The following ENOX1 variants were observed in gnomAD, a reference collection of about 807,000 sequenced individuals.
ENOX1 encodes the protein ecto-NOX disulfide-thiol exchanger 1, also known as candidate growth-related and time keeping constitutive hydroquinone (NADH) oxidase.
ENOX1 carries 42 observed loss-of-function variants against 82.5 expected under a neutral mutation model. The observed-to-expected ratio is 0.51, with a 90% CI of 0.40 to 0.66. ENOX1 has a LOEUF of 0.66. Among genes scored for constraint, ENOX1 ranks in the 30% least tolerant of loss-of-function variants. The pLI is 0.00. For missense variants in ENOX1, 608 were observed against 811.6 expected, an observed-to-expected ratio of 0.75 and a Z score of 3.05; for synonymous variants, 271 against 282.2, an observed-to-expected ratio of 0.96 and a Z score of 0.40.
intron 2 of ENOX1, among the ~76,000 whole-genome samples, chr13:43,629,711 C>A (rs1030965792): frequency 2.6e-5 from 4 of 152,224 alleles, no homozygotes; most frequent in African/African-American, 7.2e-5. Context: ...CTGGTTTACA[C>A]CACTGGTTTT....
chr13:43,727,865 A>C (rs532325940), intron 1 of ENOX1, among the ~76,000 whole-genome samples: 3 of 152,360 alleles, frequency 2.0e-5, no homozygotes, highest in South Asian at 4.1e-4. Context: ...TCAAAGTTTT[A>C]AAAAGGCTAA....
intron 2 of ENOX1, among the ~76,000 whole-genome samples, chr13:43,593,560 G>A (rs1432945836): frequency 6.6e-6 from 1 of 151,876 alleles, no homozygotes; most frequent in Non-Finnish European, 1.5e-5. Context: ...TTCGTACTCA[G>A]CAGGAATTCG....
chr13:43,763,533 C>G (rs2153836112), intron 1 of ENOX1, among the ~76,000 whole-genome samples: 1 of 152,258 alleles, frequency 6.6e-6, no homozygotes, highest in South Asian at 2.1e-4. Context: ...TGAAGTGGAG[C>G]TACGAGGACT....
At chr13:43,383,519 C>G (rs1438050724) in intron 5 of ENOX1, among the ~76,000 whole-genome samples, 1 of 152,102 alleles carries the variant, frequency 6.6e-6, no homozygotes, top group Non-Finnish European at 1.5e-5. Context: ...GGTTTGCAAT[C>G]CATAGGAAAT....
intron 1 of ENOX1, among the ~76,000 whole-genome samples, chr13:43,697,151 G>A (rs1166161195): frequency 6.6e-6 from 1 of 152,158 alleles, no homozygotes; most frequent in Non-Finnish European, 1.5e-5. Context: ...GAACTAGTAG[G>A]AGCGGGAAGG....
In ENOX1 at chr13:43,572,435, C is replaced by A. The variant is rs192788641; in HGVS notation, c.-218-88283G>T. Among the ~76,000 whole-genome samples, 28 of 152,222 alleles carry A rather than the reference C, an allele frequency of 1.8e-4. No homozygotes were observed. The East Asian group carries it at 5.2e-3, about 28-fold the overall frequency. On this transcript the variant is annotated intron_variant, in intron 2 of 16. Coordinates refer to ENST00000690772, the MANE Select transcript of ENOX1 (RefSeq NM_001347969.2). ...TTTCCAATTCCAACGTTCCATAGAC[C>A]AAAAGGCTTAGGTGAAGAGGGTTTC...
At position 43,399,930 on chromosome 13, in the gene ENOX1, T is replaced by C. The variant is rs2053395634; in HGVS notation, c.208+11986A>G. Among the ~76,000 whole-genome samples, 5 of 152,122 alleles carry C rather than the reference T, an allele frequency of 3.3e-5. No homozygotes were observed. In the South Asian group the frequency reaches 1.0e-3, roughly 32 times the overall value. ...TCAGCTCTGCCCATCCAGCCACCCC[T>C]CCACTTTCTTGCCTCATCAGCCCAC... On this transcript the variant is annotated intron_variant, in intron 5 of 16. Coordinates refer to ENST00000690772, the MANE Select transcript of ENOX1 (RefSeq NM_001347969.2).
intron 11 of ENOX1, among the ~76,000 whole-genome samples, chr13:43,299,965 T>C (rs1313014180): frequency 6.6e-6 from 1 of 152,216 alleles, no homozygotes; most frequent in Non-Finnish European, 1.5e-5. Context: ...TGAGGTTCTC[T>C]GAGACCACAG....
At chr13:43,288,610 T>C (rs909872548) in intron 12 of ENOX1, among the ~76,000 whole-genome samples, 1 of 152,224 alleles carries the variant, frequency 6.6e-6, no homozygotes, top group Non-Finnish European at 1.5e-5. Flanking sequence ...TACTGAATTA[T>C]TTTCTGCACT....
At chr13:43,586,745 T>C (rs1030440906) in intron 2 of ENOX1, among the ~76,000 whole-genome samples, 25 of 152,158 alleles carry the variant, frequency 1.6e-4, no homozygotes, top group Admixed American at 4.6e-4. Flanking sequence ...CTCACACTCC[T>C]GTGTTTTCAG....
chr13:43,513,056 C>CTCAG (rs1396865662), intron 2 of ENOX1, among the ~76,000 whole-genome samples: 1 of 152,096 alleles, frequency 6.6e-6, no homozygotes, highest in African/African-American at 2.4e-5. Context: ...CGCCTGCAAT[C>CTCAG]TCAGCACTTT....
chr13:43,454,655 G>T (rs2057135174), intron 3 of ENOX1, among the ~76,000 whole-genome samples: 1 of 152,070 alleles, frequency 6.6e-6, no homozygotes. Flanking sequence ...TGATATTCCA[G>T]TTTACCTTAC....
At chr13:43,440,524 A>C (rs2056303005) in intron 3 of ENOX1, among the ~76,000 whole-genome samples, 1 of 152,140 alleles carries the variant, frequency 6.6e-6, no homozygotes, top group South Asian at 2.1e-4. Context: ...TAACAAAAAA[A>C]TTATCAAAAT....
intron 14 of ENOX1, among the ~76,000 whole-genome samples, chr13:43,242,553 G>A (rs939916525): frequency 1.3e-5 from 2 of 152,200 alleles, no homozygotes; most frequent in African/African-American, 4.8e-5. Flanking sequence ...AATGAGAGGT[G>A]GCCATGAGGC....
At chr13:43,316,305 G>A (rs1204514895) in intron 11 of ENOX1, among the ~76,000 whole-genome samples, 2 of 152,196 alleles carry the variant, frequency 1.3e-5, no homozygotes, top group Non-Finnish European at 2.9e-5. Flanking sequence ...GCACAGTTGA[G>A]TAGTTAAGAG....
chr13:43,458,772 T>C (rs1279152326), intron 3 of ENOX1, among the ~76,000 whole-genome samples: 1 of 152,172 alleles, frequency 6.6e-6, no homozygotes, highest in African/African-American at 2.4e-5. Context: ...TTAGATGATT[T>C]TGAAACACAC....
intron 2 of ENOX1, among the ~76,000 whole-genome samples, chr13:43,664,906 A>G (rs996179824): frequency 6.6e-6 from 1 of 152,224 alleles, no homozygotes; most frequent in African/African-American, 2.4e-5. Context: ...ACTGCCTGTC[A>G]TCATCTTATA....
chr13:43,743,456 T>C (rs2153828096), intron 1 of ENOX1, among the ~76,000 whole-genome samples: 1 of 152,326 alleles, frequency 6.6e-6, no homozygotes, highest in East Asian at 1.9e-4. Context: ...GCATCTGTTG[T>C]GGTAGATTTT....
intron 14 of ENOX1, among the ~76,000 whole-genome samples, chr13:43,247,828 CATATATAT>C (rs71214135): frequency 5.4e-4 from 20 of 37,072 alleles, no homozygotes; most frequent in African/African-American, 1.2e-3. Flanking sequence ...ACAGATGCAA[CATATATAT>C]ATATATATAT....
Sources: gnomAD v4.1 joint callset for allele counts (sites outside exome capture counted in the v4.1 genomes callset) on GRCh38, gnomAD v4.1.1 for gene constraint, MANE v1.5 for transcripts, NCBI Gene and HGNC (gene_info 2026-07-23, HGNC 2026-07-21) for gene names.